The following LSM7 variants were observed in gnomAD, a reference collection of about 807,000 sequenced individuals.
LSM7 encodes U6 snRNA-associated Sm-like protein LSm7.
Under a neutral mutation model 14.1 loss-of-function variants are expected in LSM7, and 13 were observed. That is an observed-to-expected ratio of 0.92 (90% confidence interval 0.60 to 1.47). The LOEUF (loss-of-function observed/expected upper bound fraction) is 1.47, where lower values mean the gene tolerates loss of function less well. Among genes scored for constraint, LSM7 ranks in the 40% most tolerant of loss-of-function variants. The pLI is 0.00. For synonymous variants in LSM7, 70 were observed against 57.1 expected, an observed-to-expected ratio of 1.23 and a Z score of -1.02; for missense variants, 108 against 140.8, an observed-to-expected ratio of 0.77 and a Z score of 1.18.
At chr19:2,323,341 G>A (rs987278368) in intron 3 of LSM7, among the ~76,000 whole-genome samples, 1 of 152,186 alleles carries the variant, frequency 6.6e-6, no homozygotes, top group Non-Finnish European at 1.5e-5. Flanking sequence ...GCTGCTCTCC[G>A]CTGGGCGCCA....
At position 2,321,658 on chromosome 19, in the gene LSM7, A is replaced by AC. The variant is rs762672509; in HGVS notation, c.*21dup. On this transcript the variant is annotated 3_prime_UTR_variant, in exon 4 of 4. Coordinates refer to ENST00000252622, the MANE Select transcript of LSM7 (RefSeq NM_016199.3). This position sits in a 1 kb window ranked among gnomAD's most constrained non-coding sequence, Gnocchi z 5.0. ...ACCGAGCTGCTCGGGCCTGCCCTGC[A>AC]CCCCCCGCGCCCCCGGCCAGGCTAG... The AC allele has an allele frequency of 4.1e-6, 6 of 1,462,308 alleles. No homozygotes were observed. Among genetic ancestry groups the AC allele is most frequent in the East Asian group, 2.7e-5 (1 of 36,732 alleles). The allele number at this position is 1,462,308 out of a possible 1,614,324, so 90.6% of individuals were successfully genotyped here.
chr19:2,326,724 GC>G (rs1968027888), intron 2 of LSM7, among the ~76,000 whole-genome samples: 1 of 152,244 alleles, frequency 6.6e-6, no homozygotes, highest in South Asian at 2.1e-4. Flanking sequence ...ACCTGCCTTA[GC>G]CTCCCAGACT....
At chr19:2,326,936 C>T (rs974895239) in intron 2 of LSM7, among the ~76,000 whole-genome samples, 4 of 152,206 alleles carry the variant, frequency 2.6e-5, no homozygotes, top group African/African-American at 9.6e-5. Flanking sequence ...CTGGCCAGAA[C>T]GGGGACCCTG....
intron 3 of LSM7, among the ~76,000 whole-genome samples, chr19:2,322,397 C>T (rs1030280158): frequency 3.3e-4 from 51 of 152,246 alleles, no homozygotes; most frequent in African/African-American, 1.1e-3. Flanking sequence ...AAAAATTAGC[C>T]GGGCGTGGTG....
intron 2 of LSM7, chr19:2,327,878 A>G (rs546871704): frequency 6.5e-6 from 1 of 154,694 alleles, no homozygotes; most frequent in East Asian, 1.9e-4. Context: ...ATTACATTAC[A>G]TGCCTGTAAC....
At chr19:2,327,952 A>C in intron 2 of LSM7, 1 of 164,836 alleles carries the variant, frequency 6.1e-6, no homozygotes, top group Non-Finnish European at 1.3e-5. Flanking sequence ...CAAATGAGGA[A>C]ACGGAGGCTA....
intron 3 of LSM7, among the ~76,000 whole-genome samples, chr19:2,322,736 C>T (rs917459005): frequency 6.6e-6 from 1 of 152,110 alleles, no homozygotes. Flanking sequence ...TTTTCAGACA[C>T]CAGGTCTTGC....
At chr19:2,326,750 G>A (rs1048503674) in intron 2 of LSM7, among the ~76,000 whole-genome samples, 2 of 152,212 alleles carry the variant, frequency 1.3e-5, no homozygotes, top group African/African-American at 4.8e-5. Flanking sequence ...GGATTAAGGC[G>A]TGAGCCCCCG....
At chr19:2,324,397 G>A in intron 2 of LSM7, 2 of 571,618 alleles carry the variant, frequency 3.5e-6, no homozygotes, top group Admixed American at 2.9e-5. Context: ...GTCTGCGGGG[G>A]GCCAGATGGC....
chr19:2,328,547 C>G lies in LSM7; in HGVS notation c.6+14G>C. On this transcript the variant is annotated intron_variant, in intron 1 of 3. Coordinates refer to ENST00000252622, the MANE Select transcript of LSM7 (RefSeq NM_016199.3). Reference sequence around the variant, plus strand: ...CTCCACGCCCCCCGGCTCCAGATTCCGCCGCGCGCTCACCGCCATCTTGTC... The same window carrying G: ...CTCCACGCCCCCCGGCTCCAGATTCGGCCGCGCGCTCACCGCCATCTTGTC... The G allele has an allele frequency of 6.3e-7, 1 of 1,598,734 alleles. No individual in the cohort carries two copies. The highest frequency in any genetic ancestry group is 8.5e-7 in the Non-Finnish European group (1 of 1,173,640).
chr19:2,326,977 C>T (rs988996558), intron 2 of LSM7, among the ~76,000 whole-genome samples: 20 of 152,214 alleles, frequency 1.3e-4, no homozygotes, highest in Non-Finnish European at 2.9e-4. Context: ...TGAGCTCTGT[C>T]AATAACCAGT....
Position 2,321,607 on chromosome 19 carries a change from G to A in LSM7, c.*73C>T, listed in dbSNP as rs148945683. On this transcript the variant is annotated 3_prime_UTR_variant, in exon 4 of 4. Coordinates refer to ENST00000252622, the MANE Select transcript of LSM7 (RefSeq NM_016199.3). The surrounding 1 kb of genome is among the most constrained non-coding windows in gnomAD (Gnocchi z 5.0). ...CCGTTCCAGGAGGCGGTACTGCGGT[G>A]GGAGCAGCAGCCAAGTCCGCGGGAA... 7 of 1,308,344 alleles carry A rather than the reference G, an allele frequency of 5.4e-6. No homozygotes were observed. The highest frequency in any genetic ancestry group is 6.9e-6 in the Non-Finnish European group (7 of 1,021,338). The allele number at this position is 1,308,344 out of a possible 1,614,324, so 81.0% of individuals were successfully genotyped here. A position where few individuals can be genotyped will look rare whatever the true frequency, so the allele number is the denominator to read the frequency against.
chr19:2,323,291 C>T (rs764882935), intron 3 of LSM7, among the ~76,000 whole-genome samples: 1 of 152,126 alleles, frequency 6.6e-6, no homozygotes, highest in Non-Finnish European at 1.5e-5. Flanking sequence ...GAAAGGCGCC[C>T]GAGAGGAGCC....
At chr19:2,324,086 C>T (rs1478317602) in intron 3 of LSM7, 39 bp downstream of exon 3, 27 of 1,495,800 alleles carry the variant, frequency 1.8e-5, no homozygotes, top group Middle Eastern at 1.7e-4. Context: ...CCACTATCCC[C>T]CTCGTCCCGC....
At chr19:2,328,287 T>C in intron 2 of LSM7, 100 bp downstream of exon 2, 2 of 1,014,176 alleles carry the variant, frequency 2.0e-6, no homozygotes, top group Non-Finnish European at 2.9e-6. Context: ...ATAATGAAAA[T>C]AAATAAAAGA....
intron 2 of LSM7, chr19:2,324,842 CAG>C (rs920891572): frequency 8.5e-5 from 13 of 153,510 alleles, no homozygotes; most frequent in Admixed American, 7.8e-4. Context: ...TCCACAAAGA[CAG>C]GGAAGGGATG....
rs191394322 is a variant in LSM7 at position 2,322,300 on chromosome 19, G to A, written c.170-478C>T. On this transcript the variant is annotated intron_variant, in intron 3 of 3. Transcript: ENST00000252622. The stretch of plus-strand genomic sequence containing the variant: ...CACGCCTGTAATCCCAGCACTTTGG[G>A]AGGCCAAGGCAGGCGGATCACGAGG... Among the ~76,000 whole-genome samples, 365 of 152,324 alleles carry A rather than the reference G, an allele frequency of 2.4e-3. 2 individuals are homozygous for A. Among genetic ancestry groups the A allele is most frequent in the African/African-American group, 8.6e-3 (357 of 41,564 alleles).
intron 2 of LSM7, among the ~76,000 whole-genome samples, chr19:2,327,315 G>A (rs1462838219): frequency 5.9e-5 from 9 of 151,578 alleles, no homozygotes; most frequent in Admixed American, 3.9e-4. Flanking sequence ...GCTGGAGTGC[G>A]GTGGCACAAT....
intron 3 of LSM7, among the ~76,000 whole-genome samples, chr19:2,323,597 T>A (rs534302451): frequency 6.6e-6 from 1 of 152,070 alleles, no homozygotes; most frequent in African/African-American, 2.4e-5. Context: ...ATTACAGGCA[T>A]GCGCCACCAC....
Sources: gnomAD v4.1 joint callset for allele counts (sites outside exome capture counted in the v4.1 genomes callset) on GRCh38, gnomAD v4.1.1 for gene constraint, Gnocchi (gnomAD v3.1) non-coding constraint, MANE v1.5 for transcripts, NCBI Gene and HGNC (gene_info 2026-07-23, HGNC 2026-07-21) for gene names.